The following NAV2 variants were observed in gnomAD, a reference collection of about 807,000 sequenced individuals.
NAV2 encodes helicase, APC down-regulated 1.
A neutral mutation model predicts 223.2 loss-of-function variants in NAV2; 54 were observed. That is an observed-to-expected ratio of 0.24 (90% CI 0.19 to 0.30). The LOEUF (loss-of-function observed/expected upper bound fraction) is 0.30. Among genes scored for constraint, NAV2 ranks in the 10% least tolerant of loss-of-function variants. The pLI is 1.00. For synonymous variants in NAV2, 1,279 were observed against 1,239.3 expected (o/e 1.03, Z -0.67); for missense variants, 2,806 against 3,147.5 (o/e 0.89, Z 2.60).
At chr11:19,658,065 A>T (rs2048177310) in intron 1 of NAV2, among the ~76,000 whole-genome samples, 1 of 152,232 alleles carries the variant, frequency 6.6e-6, no homozygotes, top group Admixed American at 6.5e-5. Flanking sequence ...CGTTATAGTC[A>T]TTTAATCACA....
At chr11:19,831,429 C>A (rs1590786184) in intron 1 of NAV2, among the ~76,000 whole-genome samples, 1 of 152,082 alleles carries the variant, frequency 6.6e-6, no homozygotes, top group Middle Eastern at 3.4e-3. Flanking sequence ...GGGATTAGTA[C>A]TTGAGCCTGT....
chr11:19,816,693 C>T (rs1271308263), intron 1 of NAV2, among the ~76,000 whole-genome samples: 1 of 152,116 alleles, frequency 6.6e-6, no homozygotes, highest in African/African-American at 2.4e-5. Flanking sequence ...ACAGAATATC[C>T]GCCCTCCTAA....
intron 1 of NAV2, among the ~76,000 whole-genome samples, chr11:19,627,285 G>T (rs1310714699): frequency 6.6e-6 from 1 of 152,096 alleles, no homozygotes; most frequent in African/African-American, 2.4e-5. Flanking sequence ...GTACTCAGGA[G>T]GCTGAGGCAG....
At chr11:20,047,653 C>G (rs142881764) in intron 14 of NAV2, among the ~76,000 whole-genome samples, 2,952 of 152,290 alleles carry the variant, frequency 0.019, 45 homozygotes, top group Admixed American at 0.035. Flanking sequence ...ATTTCATTCC[C>G]TGTTGTCACC....
chr11:20,005,278 T>C (rs1266734904), intron 11 of NAV2, among the ~76,000 whole-genome samples: 1 of 145,030 alleles, frequency 6.9e-6, no homozygotes, highest in Admixed American at 7.0e-5. Context: ...TGAGATGGAG[T>C]CTTGCTCTGT....
Position 20,044,284 on chromosome 11 carries a change from G to A in NAV2, c.3199+12G>A. On this transcript the variant is annotated intron_variant, in intron 13 of 37. Transcript: ENST00000349880. ...GACCCCAGGAACTGGTAAGAGGCCGGGGCTGTCTTGGCCCTACAGTTGACA... is the reference window on the plus strand; with the variant it reads ...GACCCCAGGAACTGGTAAGAGGCCGAGGCTGTCTTGGCCCTACAGTTGACA... The A allele has an allele frequency of 1.3e-6, 2 of 1,599,104 alleles. No individual in the cohort carries two copies. Among genetic ancestry groups the A allele is most frequent in the Non-Finnish European group, 1.7e-6 (2 of 1,169,356 alleles).
At chr11:19,775,700 A>G (rs972755132) in intron 1 of NAV2, among the ~76,000 whole-genome samples, 2 of 152,224 alleles carry the variant, frequency 1.3e-5, no homozygotes, top group African/African-American at 4.8e-5. Context: ...AGAAGTTTCA[A>G]CATTAGGAGT....
At chr11:19,524,969 GGGGT>G (rs1393540569) in intron 1 of NAV2, among the ~76,000 whole-genome samples, 1 of 152,170 alleles carries the variant, frequency 6.6e-6, no homozygotes, top group Non-Finnish European at 1.5e-5. Flanking sequence ...TTGGAGATGT[GGGGT>G]TTTTTTCTTC....
chr11:19,608,168 G>T (rs1374063733), intron 1 of NAV2, among the ~76,000 whole-genome samples: 1 of 152,176 alleles, frequency 6.6e-6, no homozygotes, highest in African/African-American at 2.4e-5. Flanking sequence ...CAAATGAGAG[G>T]CTTGGGGACT....
At chr11:20,010,622 G>A (rs1357705812) in intron 11 of NAV2, among the ~76,000 whole-genome samples, 2 of 152,120 alleles carry the variant, frequency 1.3e-5, no homozygotes, top group African/African-American at 4.8e-5. Flanking sequence ...TATAATATAT[G>A]TACAGCCGTG....
In NAV2 at chr11:19,559,460, G is replaced by A. The variant is rs529038917; in HGVS notation, c.75+208433G>A. Among the ~76,000 whole-genome samples the A allele has an allele frequency of 4.9e-4, 75 of 152,290 alleles. 1 individual carries two copies. Among genetic ancestry groups the A allele is most frequent in the African/African-American group, 1.8e-3 (73 of 41,552 alleles). ...TAGAATTATGGCACAGACTAAATAAGGAAATGCCCAAGAAAGCATCTTATC... is the reference window on the plus strand; with the variant it reads ...TAGAATTATGGCACAGACTAAATAAAGAAATGCCCAAGAAAGCATCTTATC... On this transcript the variant is annotated intron_variant, in intron 1 of 37. Transcript: ENST00000360655.
At chr11:19,750,101 G>A (rs1188836313) in intron 1 of NAV2, among the ~76,000 whole-genome samples, 1 of 152,134 alleles carries the variant, frequency 6.6e-6, no homozygotes, top group East Asian at 1.9e-4. Flanking sequence ...TTTCTCTAAC[G>A]AACCTCTTCG....
intron 1 of NAV2, among the ~76,000 whole-genome samples, chr11:19,803,374 TCA>T (rs2058375554): frequency 6.6e-6 from 1 of 152,156 alleles, no homozygotes; most frequent in African/African-American, 2.4e-5. Context: ...AGAGAACGCC[TCA>T]CACTGCAGAG....
chr11:19,997,543 A>G lies in NAV2; in HGVS notation c.2768+13296A>G, dbSNP rs116181985. ...CCTGCTATGTTCTAGGTGTTCTCCT[A>G]GGTACTCTACATACTAGCTTTAACC... is the stretch of plus-strand genomic sequence containing the variant. On this transcript the variant is annotated intron_variant, in intron 11 of 37. Coordinates refer to ENST00000349880, the MANE Select transcript of NAV2 (RefSeq NM_145117.5). 7.7e-3 allele frequency among the ~76,000 whole-genome samples: 1,177 copies of G among 152,268 alleles called. 17 individuals are homozygous for G. The highest frequency in any genetic ancestry group is 0.027 in the African/African-American group (1,104 of 41,544).
intron 1 of NAV2, among the ~76,000 whole-genome samples, chr11:19,740,677 A>G (rs1234006557): frequency 6.6e-6 from 1 of 152,236 alleles, no homozygotes; most frequent in Non-Finnish European, 1.5e-5. Context: ...ACTAGAAACA[A>G]TACTTCCTTT....
At chr11:19,534,396 A>T (rs113020956) in intron 1 of NAV2, among the ~76,000 whole-genome samples, 40 of 152,266 alleles carry the variant, frequency 2.6e-4, no homozygotes, top group Middle Eastern at 3.4e-3. Flanking sequence ...CATGTTGAGC[A>T]CCTACTCAAC....
intron 1 of NAV2, among the ~76,000 whole-genome samples, chr11:19,658,465 C>A (rs10833147): frequency 1.3e-3 from 194 of 152,126 alleles, no homozygotes; most frequent in Non-Finnish European, 1.8e-3. Flanking sequence ...AAAATGCTGA[C>A]GGGGTCTTTG....
At chr11:19,563,187 A>C (rs1479666140) in intron 1 of NAV2, among the ~76,000 whole-genome samples, 1 of 152,230 alleles carries the variant, frequency 6.6e-6, no homozygotes, top group African/African-American at 2.4e-5. Flanking sequence ...TTCATTGCTT[A>C]GATGGACAAA....
intron 1 of NAV2, among the ~76,000 whole-genome samples, chr11:19,529,598 C>A (rs1159778104): frequency 6.6e-6 from 1 of 152,344 alleles, no homozygotes; most frequent in Middle Eastern, 3.4e-3. Context: ...CCTGTCTCCC[C>A]ACCTGGGATA....
Sources: gnomAD v4.1 joint callset for allele counts (sites outside exome capture counted in the v4.1 genomes callset) on GRCh38, gnomAD v4.1.1 for gene constraint, MANE v1.5 for transcripts, NCBI Gene and HGNC (gene_info 2026-07-23, HGNC 2026-07-21) for gene names.